The following BRD4 variants were observed in gnomAD, a reference collection of about 807,000 sequenced individuals.
BRD4 encodes the protein bromodomain-containing protein 4.
BRD4 carries 16 observed loss-of-function variants against 142.1 expected under a neutral mutation model. The observed-to-expected ratio is 0.11, with a 90% CI of 0.08 to 0.17. The LOEUF is 0.17. Ranked by LOEUF, BRD4 falls within the 10% of genes least tolerant of loss-of-function variation. The pLI is 1.00. For synonymous variants in BRD4, 833 were observed against 707.5 expected, an observed-to-expected ratio of 1.18 and a Z score of -2.82; for missense variants, 1,424 against 1,810.9, an observed-to-expected ratio of 0.79 and a Z score of 3.88.
At chr19:15,249,075 G>A in intron 11 of BRD4, 2 of 754,380 alleles carry the variant, frequency 2.7e-6, no homozygotes, top group African/African-American at 1.7e-5. Context: ...CGGCTGGCCA[G>A]GCAGGCAGCC....
At chr19:15,294,012 G>T (rs546430502) in intron 1 of BRD4, among the ~76,000 whole-genome samples, 2 of 152,184 alleles carry the variant, frequency 1.3e-5, no homozygotes, top group Non-Finnish European at 2.9e-5. Flanking sequence ...CCTGGCATAC[G>T]ATTCCCTGGA....
chr19:15,286,872 G>A (rs1485751554), intron 1 of BRD4, among the ~76,000 whole-genome samples: 3 of 152,158 alleles, frequency 2.0e-5, no homozygotes, highest in African/African-American at 7.2e-5. Flanking sequence ...GAGCCACGTG[G>A]GGTTAGTGCT....
chr19:15,278,142 C>CAAAAAAAAAAAAAAAAAAAAAAAAAAA (rs2047669367), intron 1 of BRD4, among the ~76,000 whole-genome samples: 1 of 89,268 alleles, frequency 1.1e-5, no homozygotes. Context: ...AAAAAAAAAT[C>CAAAAAAAAAAAAAAAAAAAAAAAAAAA]AAAATCAACA....
intron 5 of BRD4, 78 bp from the exon 6 acceptor site, chr19:15,264,844 C>T (rs761924091): frequency 4.6e-6 from 7 of 1,531,652 alleles, no homozygotes; most frequent in Non-Finnish European, 6.1e-6. Context: ...ACCCCCAAAG[C>T]CAGGCCCTGT....
chr19:15,256,538 TCAC>T, intron 8 of BRD4, among the ~76,000 whole-genome samples: 1 of 152,268 alleles, frequency 6.6e-6, no homozygotes, highest in Admixed American at 6.5e-5. Flanking sequence ...ACACCAAGTC[TCAC>T]GGCCATCCTG....
intron 2 of BRD4, among the ~76,000 whole-genome samples, chr19:15,270,777 C>T (rs1489995691): frequency 2.0e-5 from 3 of 152,138 alleles, no homozygotes; most frequent in Admixed American, 6.5e-5. Flanking sequence ...CCCCAGAATA[C>T]AGATTTAGCA....
At chr19:15,296,299 G>C (rs1013965339) in intron 1 of BRD4, among the ~76,000 whole-genome samples, 1 of 152,078 alleles carries the variant, frequency 6.6e-6, no homozygotes, top group African/African-American at 2.4e-5. Flanking sequence ...TAAGAAGCAA[G>C]GCTGCGAGAT....
At position 15,264,696 on chromosome 19, in the gene BRD4, G is replaced by A. The variant is rs149454272; in HGVS notation, c.920C>T (p.Pro307Leu). The change falls in exon 6 of 20, where the codon CCC becomes CTC. Residue 307 changes from proline (P) to leucine (L), a missense_variant. Around this residue, in one of 16 missense-constraint regions of BRD4, gnomAD observed 86 missense variants for 79.9 expected, o/e 1.08. Coordinates refer to ENST00000679869, the MANE Select transcript of BRD4 (RefSeq NM_001379291.1). Reference protein sequence around the residue: ...PTTIDPIHEPPSLPPEPKTTK... With the variant: ...PTTIDPIHEPLSLPPEPKTTK... ...GGTCTTGGGCTCCGGGGGCAGCGAG[G>A]GTGGCTCGTGAATGGGGTCAATGGT... 6.2e-7 allele frequency: 1 copy of A among 1,613,166 alleles called. No individual in the cohort carries two copies. The highest frequency in any genetic ancestry group is 1.3e-5 in the African/African-American group (1 of 74,896).
chr19:15,280,036 C>T, intron 1 of BRD4, among the ~76,000 whole-genome samples: 1 of 152,046 alleles, frequency 6.6e-6, no homozygotes, highest in East Asian at 1.9e-4. Flanking sequence ...CCTAGAAGAG[C>T]TCCACAGGAG....
chr19:15,255,717 C>T, intron 9 of BRD4, 125 bp from the exon 10 acceptor site: 3 of 1,269,706 alleles, frequency 2.4e-6, no homozygotes, highest in East Asian at 2.4e-5. Flanking sequence ...CCAGCCTTCA[C>T]AGGAAACGGG....
rs781311573 is a variant in BRD4 at position 15,272,947 on chromosome 19, G to A, written c.153C>T (p.Ser51=). The change falls in exon 2 of 20, where the codon TCC becomes TCT. Residue 51 remains serine, a synonymous_variant. Transcript: ENST00000679869. ...ASTNPPPPET[S]NPNKPKRQTN... is the part of the protein sequence containing the mutation. ...TCTGCCTCTTGGGCTTGTTAGGGTT[G>A]GAGGTCTCTGGGGGCGGGGGGTTGG... 6.8e-6 allele frequency: 11 copies of A among 1,614,104 alleles called. No individual in the cohort carries two copies. Among genetic ancestry groups the A allele is most frequent in the Admixed American group, 6.7e-5 (4 of 59,998 alleles).
chr19:15,314,916 T>C (rs139890596), intron 1 of BRD4, among the ~76,000 whole-genome samples: 1 of 152,134 alleles, frequency 6.6e-6, no homozygotes, highest in Non-Finnish European at 1.5e-5. Flanking sequence ...TTTGGGGGGA[T>C]GTCTGGAAGA....
intron 4 of BRD4, 142 bp downstream of exon 4, chr19:15,267,274 C>A: frequency 1.8e-6 from 2 of 1,128,234 alleles, no homozygotes; most frequent in Non-Finnish European, 2.5e-6. Flanking sequence ...CAACACCAAA[C>A]CCAATCTCAC....
Position 15,244,608 on chromosome 19 carries a change from C to G in BRD4, c.2212-8G>C, listed in dbSNP as rs201915032. On this transcript the variant is annotated splice_polypyrimidine_tract_variant and splice_region_variant and intron_variant, in intron 12 of 19. Transcript: ENST00000679869. ...ATGGTGGTGATGATGGTGCTGCAGA[C>G]AGAGAGACAGACAGACAGACAGGCT... The G allele has an allele frequency of 3.8e-4, 609 of 1,612,868 alleles. No individual in the cohort carries two copies. Among genetic ancestry groups the G allele is most frequent in the Non-Finnish European group, 4.8e-4 (563 of 1,179,896 alleles).
intron 14 of BRD4, 117 bp from the exon 15 acceptor site, chr19:15,240,139 C>A: frequency 7.0e-7 from 1 of 1,420,948 alleles, no homozygotes; most frequent in Non-Finnish European, 9.3e-7. Flanking sequence ...CGCCCAGGCC[C>A]TGGGACAAGG....
chr19:15,283,435 A>C (rs2047719323), intron 1 of BRD4, among the ~76,000 whole-genome samples: 1 of 152,226 alleles, frequency 6.6e-6, no homozygotes, highest in Non-Finnish European at 1.5e-5. Flanking sequence ...TAAAACTATA[A>C]AAATTTCCTA....
rs1417719873 is a variant in BRD4, at chr19:15,255,371, G to A, written c.1973C>T (p.Thr658Ile). The A allele has an allele frequency of 1.2e-6, 2 of 1,613,962 alleles. No homozygotes were observed. The highest frequency in any genetic ancestry group is 1.7e-6 in the Non-Finnish European group (2 of 1,180,014). ...CTCACGCAGTGTGGACGGCTTCAGG[G>A]TCTCAAAGTCGATTTCAATCTCGTC... ...NPDEIEIDFE[T>I]LKPSTLRELE... The change falls in exon 10 of 20, where the codon ACC becomes ATC. Residue 658 changes from threonine to isoleucine, a missense_variant. This residue lies in a region of BRD4 where 46 missense variants were observed against 110.4 expected (regional missense o/e 0.42). Coordinates refer to ENST00000679869, the MANE Select transcript of BRD4 (RefSeq NM_001379291.1).
chr19:15,300,214 T>A (rs1315390898), intron 1 of BRD4, among the ~76,000 whole-genome samples: 2 of 152,074 alleles, frequency 1.3e-5, no homozygotes, highest in African/African-American at 4.8e-5. Context: ...CTGCAACTGC[T>A]GCCTGGGCGA....
intron 1 of BRD4, among the ~76,000 whole-genome samples, chr19:15,294,138 A>T (rs539395170): frequency 6.6e-6 from 1 of 152,382 alleles, no homozygotes; most frequent in South Asian, 2.1e-4. Flanking sequence ...AGGACATACC[A>T]TGAGTCTGAG....
Sources: gnomAD v4.1 joint callset for allele counts (sites outside exome capture counted in the v4.1 genomes callset) on GRCh38, gnomAD v4.1.1 for gene constraint, gnomAD v4.1.1 regional missense constraint, MANE v1.5 for transcripts, NCBI Gene and HGNC (gene_info 2026-07-23, HGNC 2026-07-21) for gene names.